AFAP1L2: variants seen among roughly 807,000 people sequenced by gnomAD.
The protein encoded by AFAP1L2 is actin filament associated protein 1 like 2.
A neutral mutation model predicts 99.3 loss-of-function variants in AFAP1L2; 46 were observed. The ratio of observed to expected loss-of-function variants is 0.46; its 90% CI spans 0.37 to 0.59. The LOEUF (loss-of-function observed/expected upper bound fraction) is 0.59, where lower values mean the gene tolerates loss of function less well. Among genes scored for constraint, AFAP1L2 ranks in the 20% least tolerant of loss-of-function variants. The pLI is 0.00. For missense variants in AFAP1L2, 959 were observed against 1,034.9 expected, an observed-to-expected ratio of 0.93 and a Z score of 1.01; for synonymous variants, 397 against 419.1, an observed-to-expected ratio of 0.95 and a Z score of 0.64.
At position 114,386,461 on chromosome 10, in the gene AFAP1L2, C is replaced by T. The variant is rs142512758; in HGVS notation, c.16+17979G>A. ...AGCATTAATTATTATTTTTAATAACCACTCTTGATTGTGATGCCCTGCTTA... is the reference window on the plus strand; with the variant it reads ...AGCATTAATTATTATTTTTAATAACTACTCTTGATTGTGATGCCCTGCTTA... On this transcript the variant is annotated intron_variant, in intron 1 of 18. Transcript: ENST00000304129. Among the ~76,000 whole-genome samples the T allele has an allele frequency of 5.0e-3, 763 of 152,230 alleles. 6 individuals carry two copies. The highest frequency in any genetic ancestry group is 0.017 in the African/African-American group (723 of 41,542).
chr10:114,301,810 A>C, intron 12 of AFAP1L2: 1 of 338,832 alleles, frequency 3.0e-6, no homozygotes, highest in Non-Finnish European at 5.6e-6. Context: ...TCATCTTCAC[A>C]ATACACTTGG....
At chr10:114,307,973 TG>T in intron 9 of AFAP1L2, 64 bp from the exon 10 acceptor site, 1 of 1,469,274 alleles carries the variant, frequency 6.8e-7, no homozygotes, top group Non-Finnish European at 9.5e-7. Flanking sequence ...CCATGAGAGA[TG>T]GAAAAAATAG....
At chr10:114,301,748 C>G in intron 12 of AFAP1L2, 1 of 462,682 alleles carries the variant, frequency 2.2e-6, no homozygotes, top group Non-Finnish European at 3.9e-6. Flanking sequence ...TCCCCCATTC[C>G]TCCCTTCTAG....
At chr10:114,339,263 G>A (rs1418368417) in intron 2 of AFAP1L2, among the ~76,000 whole-genome samples, 1 of 151,904 alleles carries the variant, frequency 6.6e-6, no homozygotes, top group East Asian at 1.9e-4. Flanking sequence ...TCAAGACCAC[G>A]GTGAAACCCC....
At chr10:114,404,542 C>G, upstream of AFAP1L2, 2 of 1,455,076 alleles carry the variant, frequency 1.4e-6, no homozygotes, top group Non-Finnish European at 1.8e-6. Flanking sequence ...CGCGCTGGCC[C>G]CTCCCCGTGA....
At chr10:114,385,948 G>A (rs886392492) in intron 1 of AFAP1L2, among the ~76,000 whole-genome samples, 1 of 152,084 alleles carries the variant, frequency 6.6e-6, no homozygotes, top group Non-Finnish European at 1.5e-5. Context: ...CCCCCCTCAG[G>A]AGTCCCTGAG....
Position 114,302,346 on chromosome 10 carries a change from A to G in AFAP1L2, c.1423T>C (p.Ser475Pro), listed in dbSNP as rs977599378. ...VSCIVSAAKN[S>P]LLLMQRKFSE... ...AGGGTCCAAATTACTCACAAGAGAGAGTTTTTGGCCGCACTCACAATACAG... is the reference window on the plus strand; with the variant it reads ...AGGGTCCAAATTACTCACAAGAGAGGGTTTTTGGCCGCACTCACAATACAG... Residue 475 changes from serine (S) to proline (P), a missense_variant, in exon 12 of 19, where the codon TCT (serine) becomes CCT (proline). Physicochemically the swap from Ser to Pro is moderately conservative, Grantham distance 74. Coordinates refer to ENST00000304129, the MANE Select transcript of AFAP1L2 (RefSeq NM_001001936.3). 2 of 1,613,952 alleles carry G rather than the reference A, an allele frequency of 1.2e-6. No homozygotes were observed. Among genetic ancestry groups the G allele is most frequent in the African/African-American group, 1.3e-5 (1 of 74,886 alleles).
chr10:114,401,258 G>A (rs1430373531), intron 1 of AFAP1L2, among the ~76,000 whole-genome samples: 3 of 152,170 alleles, frequency 2.0e-5, no homozygotes, highest in African/African-American at 7.2e-5. Context: ...ATTTCAGGAA[G>A]CTTCGGCATG....
At chr10:114,299,059 TTC>T (rs2040703784) in intron 16 of AFAP1L2, among the ~76,000 whole-genome samples, 199 bp downstream of exon 16, 1 of 152,204 alleles carries the variant, frequency 6.6e-6, no homozygotes. Context: ...GTCAGAGGCT[TTC>T]TCTCTCTGTC....
chr10:114,349,097 G>A (rs544466909), intron 1 of AFAP1L2, among the ~76,000 whole-genome samples: 1 of 152,204 alleles, frequency 6.6e-6, no homozygotes, highest in Admixed American at 6.5e-5. Flanking sequence ...CCAGGCTGGG[G>A]CTAGGTGCAG....
At chr10:114,396,308 C>CAAAT (rs940666986) in intron 1 of AFAP1L2, among the ~76,000 whole-genome samples, 2 of 152,086 alleles carry the variant, frequency 1.3e-5, no homozygotes, top group African/African-American at 4.8e-5. Flanking sequence ...GATTAAAAAA[C>CAAAT]AAATAAATAA....
intron 1 of AFAP1L2, among the ~76,000 whole-genome samples, chr10:114,383,870 C>T (rs116374063): frequency 0.014 from 2,196 of 152,282 alleles, 61 homozygotes; most frequent in African/African-American, 0.051. Flanking sequence ...AGCCCGCAGG[C>T]TGACAGAGGC....
chr10:114,403,049 C>G (rs1172338305), intron 1 of AFAP1L2, among the ~76,000 whole-genome samples: 2 of 152,230 alleles, frequency 1.3e-5, no homozygotes, highest in African/African-American at 4.8e-5. Flanking sequence ...GTGTCTGAGA[C>G]AGCATAAGCG....
intron 13 of AFAP1L2, 134 bp from the exon 14 acceptor site, chr10:114,300,824 G>A (rs887243520): frequency 2.4e-5 from 31 of 1,266,416 alleles, no homozygotes; most frequent in African/African-American, 1.5e-4. Flanking sequence ...CTGCTGGGGG[G>A]GCCACTGGCT....
At chr10:114,375,193 G>T (rs2054632440) in intron 1 of AFAP1L2, among the ~76,000 whole-genome samples, 1 of 152,066 alleles carries the variant, frequency 6.6e-6, no homozygotes, top group South Asian at 2.1e-4. Context: ...TTTCAACTTT[G>T]GCGTCCATAG....
chr10:114,317,980 C>T (rs75109799), intron 5 of AFAP1L2, among the ~76,000 whole-genome samples: 3,295 of 152,258 alleles, frequency 0.022, 122 homozygotes, highest in African/African-American at 0.074. Context: ...TTAGTCATGT[C>T]CATGCAACTG....
chr10:114,402,564 C>T (rs921905896), intron 1 of AFAP1L2, among the ~76,000 whole-genome samples: 2 of 152,200 alleles, frequency 1.3e-5, no homozygotes, highest in Non-Finnish European at 2.9e-5. Flanking sequence ...CAGGCAGATA[C>T]ATGTGTTACC....
intron 1 of AFAP1L2, among the ~76,000 whole-genome samples, chr10:114,374,699 T>G (rs749998638): frequency 1.2e-4 from 18 of 152,024 alleles, no homozygotes; most frequent in Admixed American, 2.0e-4. Context: ...CTGTTTCAGC[T>G]TCTCCATCCT....
intron 1 of AFAP1L2, among the ~76,000 whole-genome samples, chr10:114,394,179 T>C (rs1394363113): frequency 2.0e-5 from 3 of 152,044 alleles, no homozygotes; most frequent in African/African-American, 7.2e-5. Flanking sequence ...AGCAAATAGC[T>C]CTGGACCTGA....
Sources: gnomAD v4.1 joint callset for allele counts (sites outside exome capture counted in the v4.1 genomes callset) on GRCh38, gnomAD v4.1.1 for gene constraint, MANE v1.5 for transcripts, NCBI Gene and HGNC (gene_info 2026-07-23, HGNC 2026-07-21) for gene names.